Variants in MCUR1 observed in about 807,000 individuals in gnomAD.
MCUR1 encodes the protein mitochondrial calcium uniporter regulator 1.
MCUR1 carries 37 observed loss-of-function variants against 42.0 expected under a neutral mutation model. The ratio of observed to expected loss-of-function variants is 0.88; its 90% CI spans 0.68 to 1.16. MCUR1 has a LOEUF of 1.16. Ranked by LOEUF, MCUR1 falls within the 50% of genes most tolerant of loss-of-function variation. MCUR1 has a pLI of 0.00. For synonymous variants in MCUR1, 229 were observed against 196.2 expected (o/e 1.17, Z -1.40); for missense variants, 469 against 468.4 (o/e 1.00, Z -0.01).
chr6:13,806,896 G>C, intron 2 of MCUR1, 29 bp downstream of exon 2: 2 of 1,553,794 alleles, frequency 1.3e-6, no homozygotes, highest in Non-Finnish European at 1.7e-6. Flanking sequence ...TTTTTCTAAG[G>C]CACTAAATGA....
intron 6 of MCUR1, among the ~76,000 whole-genome samples, chr6:13,797,552 CA>C (rs1759884440): frequency 6.6e-6 from 1 of 151,446 alleles, no homozygotes. Context: ...ACTAAAAATA[CA>C]AAAAATTAGC....
Position 13,800,335 on chromosome 6 carries a change from T to A in MCUR1, c.783+6A>T, listed in dbSNP as rs745371721. On this transcript the variant is annotated splice_donor_region_variant and intron_variant, in intron 5 of 8. Coordinates refer to ENST00000379170, the MANE Select transcript of MCUR1 (RefSeq NM_001031713.4). Reference sequence around the variant, plus strand: ...ACCAGCCAACAAACAGGAAAGTGAATCTTACCATTACTTGTTGTTTTAACT... The same window carrying A: ...ACCAGCCAACAAACAGGAAAGTGAAACTTACCATTACTTGTTGTTTTAACT... 6.4e-7 allele frequency: 1 copy of A among 1,556,706 alleles called. No individual in the cohort carries two copies. The highest frequency in any genetic ancestry group is 2.3e-5 in the East Asian group (1 of 44,224).
Position 13,790,759 on chromosome 6 carries a change from CTG to C in MCUR1, c.*48_*49del, listed in dbSNP as rs1479884471. 1 of 1,473,916 alleles carries C rather than the reference CTG, an allele frequency of 6.8e-7. No homozygotes were observed. The highest frequency in any genetic ancestry group is 1.8e-4 in the Middle Eastern group (1 of 5,682). The allele number at this position is 1,473,916 out of a possible 1,614,324, so 91.3% of individuals were successfully genotyped here. A position where few individuals can be genotyped will look rare whatever the true frequency, so the allele number is the denominator to read the frequency against. ...TGAGCCACCGCACCCAGCCAACAAT[CTG>C]GTATTCTTAAGGCAAAACAGTAGAA... On this transcript the variant is annotated 3_prime_UTR_variant, in exon 9 of 9. Coordinates refer to ENST00000379170, the MANE Select transcript of MCUR1 (RefSeq NM_001031713.4).
Position 13,814,026 on chromosome 6 carries a change from G to A in MCUR1, c.404C>T (p.Ser135Phe), listed in dbSNP as rs1584993114. Residue 135 changes from serine to phenylalanine, a missense_variant, in exon 1 of 9, where the codon TCC (serine) becomes TTC (phenylalanine). Transcript: ENST00000379170. Reference protein sequence around the residue: ...QYHGPAPALVSCRRELSLSAG... With the variant: ...QYHGPAPALVFCRRELSLSAG... ...CGCCCGGGCCTCACCTCTCCTGCAGGAAACGAGTGCAGGCGCCGGGCCGTG... is the reference window on the plus strand; with the variant it reads ...CGCCCGGGCCTCACCTCTCCTGCAGAAAACGAGTGCAGGCGCCGGGCCGTG... 8.1e-7 allele frequency: 1 copy of A among 1,236,054 alleles called. No homozygotes were observed. The highest frequency in any genetic ancestry group is 1.0e-6 in the Non-Finnish European group (1 of 990,478). The allele number at this position is 1,236,054 out of a possible 1,614,324, so 76.6% of individuals were successfully genotyped here.
Position 13,793,936 on chromosome 6 carries a change from G to A in MCUR1, c.867C>T (p.Asn289=), listed in dbSNP as rs61744883. The A allele has an allele frequency of 1.3e-5, 21 of 1,613,310 alleles. No individual in the cohort carries two copies. The highest frequency in any genetic ancestry group is 1.6e-4 in the Middle Eastern group (1 of 6,082). Reference sequence around the variant, plus strand: ...TTCTCAATTCCAGCAGCTTCTTTTCGTTCAATGAATACTGAAATAAACACG... The same window carrying A: ...TTCTCAATTCCAGCAGCTTCTTTTCATTCAATGAATACTGAAATAAACACG... The part of the protein sequence containing the change: ...KSRVKELYSL[N]EKKLLELRTE... The change falls in exon 7 of 9, where the codon AAC becomes AAT. Residue 289 remains asparagine (N), a synonymous_variant. Transcript: ENST00000379170.
chr6:13,793,320 ATGCCC>A (rs1293452223), intron 7 of MCUR1, among the ~76,000 whole-genome samples: 1 of 152,168 alleles, frequency 6.6e-6, no homozygotes, highest in South Asian at 2.1e-4. Context: ...CTGTGCACCC[ATGCCC>A]ACAGCAGCAC....
At chr6:13,798,690 A>G in intron 6 of MCUR1, 143 bp downstream of exon 6, 2 of 476,694 alleles carry the variant, frequency 4.2e-6, no homozygotes, top group South Asian at 6.5e-5. Flanking sequence ...CAAAATTATT[A>G]TAATAGAGAA....
At chr6:13,806,835 AG>A in intron 2 of MCUR1, 89 bp downstream of exon 2, 1 of 1,348,010 alleles carries the variant, frequency 7.4e-7, no homozygotes, top group Non-Finnish European at 1.0e-6. Flanking sequence ...GAAGTCAAAG[AG>A]GAACATGAGA....
chr6:13,792,141 A>C (rs1189859628), intron 7 of MCUR1, 149 bp from the exon 8 acceptor site: 1 of 647,752 alleles, frequency 1.5e-6, no homozygotes, highest in African/African-American at 1.9e-5. Context: ...TAAAACCCTA[A>C]TTCTACGCTG....
At position 13,814,426 on chromosome 6, in the gene MCUR1, C is replaced by G; in HGVS notation, c.4G>C (p.Asp2His). ...CTCTGGCCGCCGACCGAGCCGCAGTCCATCCCCGAGCAGTTCACTGGCCCG... is the reference window on the plus strand; with the variant it reads ...CTCTGGCCGCCGACCGAGCCGCAGTGCATCCCCGAGCAGTTCACTGGCCCG... Reference protein sequence around the residue: MDCGSVGGQRTQ... With the variant: MHCGSVGGQRTQ... The change falls in exon 1 of 9, where the codon GAC (aspartate) becomes CAC (histidine). Residue 2 changes from aspartate to histidine, a missense_variant. Transcript: ENST00000379170. The G allele has an allele frequency of 6.5e-7, 1 of 1,536,460 alleles. No individual in the cohort carries two copies. Among genetic ancestry groups the G allele is most frequent in the Non-Finnish European group, 8.7e-7 (1 of 1,152,224 alleles).
rs1759735713 is a variant in MCUR1 at position 13,791,871 on chromosome 6, A to C, written c.1024+7T>G. On this transcript the variant is annotated splice_region_variant and intron_variant, in intron 8 of 8. Transcript: ENST00000379170. ...AGGTTGATTTAAATAGATACAAAAT[A>C]GCTTACCTGCTAAATATTTAATATT... 10 of 1,591,474 alleles carry C rather than the reference A, an allele frequency of 6.3e-6. No homozygotes were observed. The highest frequency in any genetic ancestry group is 8.6e-6 in the Non-Finnish European group (10 of 1,161,898).
At chr6:13,802,403 A>C in intron 2 of MCUR1, 57 bp from the exon 3 acceptor site, 1 of 1,326,996 alleles carries the variant, frequency 7.5e-7, no homozygotes, top group Middle Eastern at 1.8e-4. Flanking sequence ...GCCCACAGCA[A>C]ATGCACACAT....
At chr6:13,809,044 T>C (rs1486747136) in intron 1 of MCUR1, among the ~76,000 whole-genome samples, 1 of 152,142 alleles carries the variant, frequency 6.6e-6, no homozygotes, top group Non-Finnish European at 1.5e-5. Context: ...CCTCCCAAGG[T>C]GTGGGTTATA....
rs1049708974 is a variant in MCUR1, at chr6:13,790,693, T to G, written c.*116A>C. Reference sequence around the variant, plus strand: ...GTCTCGAACTCCTGACCTCAGGTAATCCACCTGCCTCAGCCTCCCAAAGTG... The same window carrying G: ...GTCTCGAACTCCTGACCTCAGGTAAGCCACCTGCCTCAGCCTCCCAAAGTG... On this transcript the variant is annotated 3_prime_UTR_variant, in exon 9 of 9. Coordinates refer to ENST00000379170, the MANE Select transcript of MCUR1 (RefSeq NM_001031713.4). The G allele has an allele frequency of 6.0e-6, 4 of 663,256 alleles. No individual in the cohort carries two copies. The highest frequency in any genetic ancestry group is 1.0e-5 in the Non-Finnish European group (4 of 385,632). The allele number at this position is 663,256 out of a possible 1,614,324, so 41.1% of individuals were successfully genotyped here.
At chr6:13,810,489 G>A (rs1004261655) in intron 1 of MCUR1, among the ~76,000 whole-genome samples, 3 of 152,184 alleles carry the variant, frequency 2.0e-5, no homozygotes, top group African/African-American at 7.2e-5. Context: ...GTAGGAGCAA[G>A]AAGGGTCACC....
chr6:13,798,538 G>A (rs1040154645), intron 6 of MCUR1, among the ~76,000 whole-genome samples: 2 of 152,056 alleles, frequency 1.3e-5, no homozygotes, highest in Non-Finnish European at 2.9e-5. Context: ...GTATTAAATA[G>A]ATCAAGATTG....
chr6:13,814,247 G>A lies in MCUR1; in HGVS notation c.183C>T (p.Gly61=), dbSNP rs999272203. The A allele has an allele frequency of 2.0e-6, 3 of 1,471,258 alleles. No homozygotes were observed. The highest frequency in any genetic ancestry group is 2.9e-5 in the African/African-American group (2 of 68,178). 91.1% of individuals were successfully genotyped at this position (1,471,258 alleles called of 1,614,324 possible). A position where few individuals can be genotyped will look rare whatever the true frequency, so the allele number is the denominator to read the frequency against. Residue 61 remains glycine, a synonymous_variant, in exon 1 of 9, where the codon GGC becomes GGT. Transcript: ENST00000379170. ...GCAGCGGTGAGGCACGTGACACGCCGCCGCGGGCCGCCGGGGCGCGAGGGC... is the reference window on the plus strand; with the variant it reads ...GCAGCGGTGAGGCACGTGACACGCCACCGCGGGCCGCCGGGGCGCGAGGGC... ...ALRPRAPAAR[G]GVSRASPLLL... is the part of the protein sequence containing the mutation.
chr6:13,814,401 C>G lies in MCUR1; in HGVS notation c.29G>C (p.Arg10Thr). Residue 10 changes from arginine to threonine, a missense_variant, in exon 1 of 9, where the codon AGG (arginine) becomes ACG (threonine). Physicochemically the swap from Arg to Thr is moderately conservative, Grantham distance 71. Coordinates refer to ENST00000379170, the MANE Select transcript of MCUR1 (RefSeq NM_001031713.4). The part of the protein sequence containing the change: MDCGSVGGQ[R>T]TQRLPGRQRL... ...CTGGCGGCCGGGCAGGCGCTGGGTC[C>G]TCTGGCCGCCGACCGAGCCGCAGTC... The G allele has an allele frequency of 1.3e-6, 2 of 1,538,268 alleles. No homozygotes were observed. The highest frequency in any genetic ancestry group is 1.7e-6 in the Non-Finnish European group (2 of 1,152,928).
At chr6:13,797,551 A>C (rs1759884310) in intron 6 of MCUR1, among the ~76,000 whole-genome samples, 1 of 151,970 alleles carries the variant, frequency 6.6e-6, no homozygotes, top group Non-Finnish European at 1.5e-5. Flanking sequence ...TACTAAAAAT[A>C]CAAAAAATTA....
Sources: allele counts gnomAD v4.1 joint callset (sites outside exome capture counted in the v4.1 genomes callset), GRCh38; gene constraint gnomAD v4.1.1; transcripts MANE v1.5; gene names NCBI Gene and HGNC (gene_info 2026-07-23, HGNC 2026-07-21).